MACROD2: variants seen among roughly 807,000 people sequenced by gnomAD.
MACROD2 encodes the protein ADP-ribose glycohydrolase MACROD2.
A neutral mutation model predicts 70.4 loss-of-function variants in MACROD2; 36 were observed. The ratio of observed to expected loss-of-function variants is 0.51; its 90% CI spans 0.39 to 0.68. The LOEUF is 0.68. Ranked by LOEUF, MACROD2 falls within the 30% of genes least tolerant of loss-of-function variation. MACROD2 has a pLI of 0.00. For synonymous variants in MACROD2, 172 were observed against 178.8 expected, an observed-to-expected ratio of 0.96 and a Z score of 0.30; for missense variants, 496 against 538.4, an observed-to-expected ratio of 0.92 and a Z score of 0.78.
chr20:15,006,179 G>GTGTA (rs2075035778), intron 5 of MACROD2, among the ~76,000 whole-genome samples: 1 of 150,444 alleles, frequency 6.6e-6, no homozygotes, highest in Non-Finnish European at 1.5e-5. Context: ...GTGTGTGTGT[G>GTGTA]TGTACGTTGG....
At chr20:15,834,376 C>T (rs114713093) in intron 8 of MACROD2, among the ~76,000 whole-genome samples, 2,055 of 152,108 alleles carry the variant, frequency 0.014, 62 homozygotes, top group African/African-American at 0.047. Context: ...AATAACACAC[C>T]GCGTATTTTC....
chr20:14,977,820 A>G (rs2074755657), intron 5 of MACROD2, among the ~76,000 whole-genome samples: 2 of 152,132 alleles, frequency 1.3e-5, no homozygotes, highest in African/African-American at 4.8e-5. Context: ...AAGACAAAAC[A>G]TGAGGAAATT....
At chr20:15,250,335 C>T (rs908006864) in intron 6 of MACROD2, among the ~76,000 whole-genome samples, 8 of 152,196 alleles carry the variant, frequency 5.3e-5, no homozygotes, top group African/African-American at 1.9e-4. Context: ...TCTTACTATA[C>T]CCCCACTGGT....
chr20:15,166,216 G>A (rs957196078), intron 5 of MACROD2, among the ~76,000 whole-genome samples: 2 of 152,148 alleles, frequency 1.3e-5, no homozygotes, highest in Non-Finnish European at 2.9e-5. Context: ...ACAGTGGACT[G>A]AATGTGTACT....
intron 5 of MACROD2, among the ~76,000 whole-genome samples, chr20:14,723,483 G>A (rs556685232): frequency 1.1e-4 from 16 of 151,298 alleles, no homozygotes; most frequent in African/African-American, 3.9e-4. Context: ...TTCTCTTGAT[G>A]AAGATTTGGT....
At chr20:14,871,450 C>T (rs2073487546) in intron 5 of MACROD2, among the ~76,000 whole-genome samples, 1 of 152,034 alleles carries the variant, frequency 6.6e-6, no homozygotes, top group Non-Finnish European at 1.5e-5. Flanking sequence ...GAAATAAGAT[C>T]CTTTTCAGAC....
intron 3 of MACROD2, among the ~76,000 whole-genome samples, chr20:14,453,445 C>T (rs2122992116): frequency 6.6e-6 from 1 of 152,246 alleles, no homozygotes; most frequent in South Asian, 2.1e-4. Context: ...CAGTTCATCT[C>T]ATCTGACTAT....
chr20:14,878,975 A>G (rs1465606987), intron 5 of MACROD2, among the ~76,000 whole-genome samples: 2 of 151,980 alleles, frequency 1.3e-5, no homozygotes, highest in African/African-American at 4.8e-5. Flanking sequence ...GACCCTTTCT[A>G]ATTACTTCCT....
chr20:15,178,165 T>C (rs1414374647), intron 5 of MACROD2, among the ~76,000 whole-genome samples: 3 of 152,200 alleles, frequency 2.0e-5, no homozygotes, highest in Admixed American at 6.5e-5. Context: ...TGACTTCAGG[T>C]AAGGCTTCAT....
chr20:15,096,439 C>T (rs951091826), intron 5 of MACROD2, among the ~76,000 whole-genome samples: 4 of 138,166 alleles, frequency 2.9e-5, no homozygotes, highest in Non-Finnish European at 6.4e-5. Context: ...CCATAAATCC[C>T]ATGCTAATAT....
intron 8 of MACROD2, among the ~76,000 whole-genome samples, chr20:15,651,053 A>C (rs2049635519): frequency 6.6e-6 from 1 of 152,174 alleles, no homozygotes; most frequent in Non-Finnish European, 1.5e-5. Flanking sequence ...ATCTTTGAGA[A>C]CTTCATGACA....
intron 4 of MACROD2, among the ~76,000 whole-genome samples, chr20:14,577,613 C>A (rs924238326): frequency 5.3e-5 from 8 of 151,544 alleles, no homozygotes; most frequent in Non-Finnish European, 1.0e-4. Context: ...GACCCTATCT[C>A]AAAAAAATAA....
chr20:15,447,021 G>T (rs1189280218), intron 7 of MACROD2, among the ~76,000 whole-genome samples: 7 of 151,084 alleles, frequency 4.6e-5, no homozygotes, highest in South Asian at 2.1e-4. Context: ...CATGTTAAAG[G>T]CAGTGGCAGT....
intron 6 of MACROD2, among the ~76,000 whole-genome samples, chr20:15,390,575 C>T (rs2045779264): frequency 6.6e-6 from 1 of 151,930 alleles, no homozygotes; most frequent in African/African-American, 2.4e-5. Flanking sequence ...TAGACCACAC[C>T]AACGCTCCAT....
chr20:14,952,037 C>A (rs1044461852), intron 5 of MACROD2, among the ~76,000 whole-genome samples: 1 of 152,034 alleles, frequency 6.6e-6, no homozygotes, highest in African/African-American at 2.4e-5. Context: ...ATCCTGCCCT[C>A]CCCTGTGACT....
intron 6 of MACROD2, among the ~76,000 whole-genome samples, chr20:15,256,113 T>C (rs984383753): frequency 6.6e-6 from 1 of 152,138 alleles, no homozygotes; most frequent in Non-Finnish European, 1.5e-5. Context: ...GCACTGGGAA[T>C]CTTGAATTTA....
chr20:15,126,492 G>A (rs1313612284), intron 5 of MACROD2, among the ~76,000 whole-genome samples: 2 of 151,892 alleles, frequency 1.3e-5, no homozygotes, highest in Non-Finnish European at 2.9e-5. Flanking sequence ...AATAAAATTT[G>A]CATTTTTATC....
intron 7 of MACROD2, among the ~76,000 whole-genome samples, chr20:15,439,888 G>C (rs574586961): frequency 6.6e-6 from 1 of 152,204 alleles, no homozygotes; most frequent in East Asian, 1.9e-4. Context: ...GGCTTTCAGG[G>C]CTTGAAATCC....
chr20:14,292,183 C>A (rs775585482), intron 3 of MACROD2, among the ~76,000 whole-genome samples: 1 of 151,922 alleles, frequency 6.6e-6, no homozygotes, highest in Non-Finnish European at 1.5e-5. Flanking sequence ...GAAGACAATT[C>A]TCTGTAGAAG....
Sources: gnomAD v4.1 joint callset for allele counts (sites outside exome capture counted in the v4.1 genomes callset) on GRCh38, gnomAD v4.1.1 for gene constraint, MANE v1.5 for transcripts, NCBI Gene and HGNC (gene_info 2026-07-23, HGNC 2026-07-21) for gene names.